Variants in PHLDB2 observed in about 807,000 individuals in gnomAD.
The protein encoded by PHLDB2 is pleckstrin homology like domain family B member 2, also known as pleckstrin homology-like domain family B member 2.
A neutral mutation model predicts 123.6 loss-of-function variants in PHLDB2; 71 were observed. The ratio of observed to expected loss-of-function variants is 0.57; its 90% CI spans 0.47 to 0.70. The LOEUF (loss-of-function observed/expected upper bound fraction) is 0.70. PHLDB2 is among the 30% of genes least tolerant of loss of function. The pLI, the probability that PHLDB2 is intolerant of heterozygous loss-of-function variation, is 0.00. For synonymous variants in PHLDB2, 547 were observed against 541.6 expected (o/e 1.01, Z -0.14); for missense variants, 1,446 against 1,519.5 (o/e 0.95, Z 0.80).
intron 1 of PHLDB2, among the ~76,000 whole-genome samples, chr3:111,843,986 T>C (rs1359125306): frequency 6.6e-6 from 1 of 152,202 alleles, no homozygotes; most frequent in African/African-American, 2.4e-5. Context: ...GTAAAAATCC[T>C]CTAATTGTAA....
At chr3:111,827,473 A>C (rs547787030) in intron 1 of PHLDB2, among the ~76,000 whole-genome samples, 4 of 152,298 alleles carry the variant, frequency 2.6e-5, no homozygotes, top group Non-Finnish European at 4.4e-5. Context: ...CAGGAGATAG[A>C]TACCATCCTA....
Position 111,805,523 on chromosome 3 carries a change from T to G in PHLDB2, c.-48-40298T>G, listed in dbSNP as rs1184991194. The stretch of plus-strand genomic sequence containing the variant: ...TTGCAGTGAGCCGAGATTGCGCCGC[T>G]GCACTCCAGCCTGGGCGACAGAGCA... On this transcript the variant is annotated intron_variant, in intron 1 of 17. Transcript: ENST00000393923. Among the ~76,000 whole-genome samples the G allele has an allele frequency of 1.3e-5, 2 of 149,396 alleles. 1 individual carries two copies. Among genetic ancestry groups the G allele is most frequent in the Admixed American group, 1.3e-4 (2 of 14,856 alleles).
chr3:111,766,062 G>C (rs965655763), intron 1 of PHLDB2, among the ~76,000 whole-genome samples: 1 of 152,100 alleles, frequency 6.6e-6, no homozygotes, highest in African/African-American at 2.4e-5. Context: ...TTGTTGTATA[G>C]ATCAAATAAG....
At chr3:111,790,328 T>C (rs962036679) in intron 1 of PHLDB2, among the ~76,000 whole-genome samples, 1 of 152,202 alleles carries the variant, frequency 6.6e-6, no homozygotes, top group Non-Finnish European at 1.5e-5. Flanking sequence ...TCATTGTGTC[T>C]CCTTTCTGAC....
chr3:111,778,488 C>T (rs1559825928), intron 1 of PHLDB2: 1 of 151,932 alleles, frequency 6.6e-6, no homozygotes, highest in Non-Finnish European at 1.5e-5. Flanking sequence ...TTATGGGAGC[C>T]CTAGCAAACT....
At chr3:111,950,625 G>C (rs1241496698) in intron 10 of PHLDB2, among the ~76,000 whole-genome samples, 1 of 152,102 alleles carries the variant, frequency 6.6e-6, no homozygotes, top group Non-Finnish European at 1.5e-5. Flanking sequence ...TTTGTTTTGA[G>C]ACTTCCTTTC....
intron 1 of PHLDB2, among the ~76,000 whole-genome samples, chr3:111,758,420 A>G (rs919686817): frequency 1.3e-5 from 2 of 152,208 alleles, no homozygotes; most frequent in African/African-American, 4.8e-5. Context: ...TGTGCGGGAT[A>G]TAATCTCCTG....
chr3:111,756,680 A>G (rs1266084010), intron 1 of PHLDB2, among the ~76,000 whole-genome samples: 1 of 152,098 alleles, frequency 6.6e-6, no homozygotes, highest in African/African-American at 2.4e-5. Flanking sequence ...TGTGAATTTG[A>G]TCCTGTCATT....
chr3:111,782,016 C>T (rs1241406124), intron 1 of PHLDB2, among the ~76,000 whole-genome samples: 2 of 152,052 alleles, frequency 1.3e-5, no homozygotes, highest in Non-Finnish European at 2.9e-5. Context: ...AATGCCTTAT[C>T]TCTATTTCCC....
At chr3:111,875,064 A>G (rs909766080) in intron 1 of PHLDB2, among the ~76,000 whole-genome samples, 1 of 152,178 alleles carries the variant, frequency 6.6e-6, no homozygotes, top group Admixed American at 6.5e-5. Flanking sequence ...AGATAAATTC[A>G]TATGATTAAT....
intron 1 of PHLDB2, among the ~76,000 whole-genome samples, chr3:111,865,176 C>T (rs1268952917): frequency 2.6e-5 from 4 of 152,254 alleles, no homozygotes; most frequent in East Asian, 3.9e-4. Flanking sequence ...TCACTGCTTA[C>T]GTCATTGCAG....
chr3:111,933,864 G>A (rs1355166992), intron 6 of PHLDB2, among the ~76,000 whole-genome samples: 2 of 152,128 alleles, frequency 1.3e-5, no homozygotes, highest in African/African-American at 4.8e-5. Flanking sequence ...TTTACAGTCA[G>A]CAGCATAGTT....
chr3:111,823,347 A>G (rs946282679), intron 1 of PHLDB2, among the ~76,000 whole-genome samples: 1 of 152,220 alleles, frequency 6.6e-6, no homozygotes, highest in Non-Finnish European at 1.5e-5. Context: ...ACTTCCAGAT[A>G]ATACCCCATT....
intron 1 of PHLDB2, among the ~76,000 whole-genome samples, chr3:111,807,946 GTTTTT>G (rs11418818): frequency 1.2e-5 from 1 of 86,418 alleles, no homozygotes; most frequent in Non-Finnish European, 2.7e-5. Flanking sequence ...TAAGCTGGGT[GTTTTT>G]TTTTTTTTTT....
At chr3:111,795,128 A>T (rs1344232799) in intron 1 of PHLDB2, among the ~76,000 whole-genome samples, 1 of 152,204 alleles carries the variant, frequency 6.6e-6, no homozygotes, top group African/African-American at 2.4e-5. Context: ...TTTTTGTTTA[A>T]GGTGCCATAA....
At chr3:111,871,207 C>T (rs1176647727) in intron 1 of PHLDB2, among the ~76,000 whole-genome samples, 3 of 152,136 alleles carry the variant, frequency 2.0e-5, no homozygotes, top group African/African-American at 4.8e-5. Context: ...ACAAGTAATA[C>T]GTTGCATAAT....
At chr3:111,825,098 C>T (rs1163637321) in intron 1 of PHLDB2, among the ~76,000 whole-genome samples, 1 of 152,160 alleles carries the variant, frequency 6.6e-6, no homozygotes, top group African/African-American at 2.4e-5. Flanking sequence ...TCACCATTTA[C>T]AGGTAAGAAG....
chr3:111,774,392 T>C (rs1294843678), intron 1 of PHLDB2, among the ~76,000 whole-genome samples: 5 of 152,228 alleles, frequency 3.3e-5, no homozygotes, highest in Admixed American at 6.5e-5. Flanking sequence ...ATCAAAGTCC[T>C]GGTGCTAATG....
intron 3 of PHLDB2, 85 bp downstream of exon 3, chr3:111,913,787 G>A: frequency 7.1e-7 from 1 of 1,409,848 alleles, no homozygotes; most frequent in Non-Finnish European, 9.6e-7. Flanking sequence ...ATTTTATCAT[G>A]CTAATTATCC....
Sources: allele counts gnomAD v4.1 joint callset (sites outside exome capture counted in the v4.1 genomes callset), GRCh38; gene constraint gnomAD v4.1.1; transcripts MANE v1.5; gene names NCBI Gene and HGNC (gene_info 2026-07-23, HGNC 2026-07-21).